The following OLA1 variants were observed in gnomAD, a reference collection of about 807,000 sequenced individuals.
The protein encoded by OLA1 is obg-like ATPase 1.
OLA1 carries 14 observed loss-of-function variants against 48.4 expected under a neutral mutation model. The ratio of observed to expected loss-of-function variants is 0.29; its 90% CI spans 0.19 to 0.45. The LOEUF is 0.45. Among genes scored for constraint, OLA1 ranks in the 20% least tolerant of loss-of-function variants. The pLI is 1.00. For synonymous variants in OLA1, 127 were observed against 150.4 expected, an observed-to-expected ratio of 0.84 and a Z score of 1.14; for missense variants, 325 against 467.1, an observed-to-expected ratio of 0.70 and a Z score of 2.80.
rs1023473957 is a variant in OLA1 at position 174,073,535 on chromosome 2, T to C, written c.*1891A>G. ...TAGAACTTCTAACCAAATTAAACAT[T>C]TTTAACATTTATTTTCAGCCCCTAA... On this transcript the variant is annotated 3_prime_UTR_variant, in exon 11 of 11. Transcript: ENST00000284719. 2 of 152,232 alleles carry C rather than the reference T, an allele frequency of 1.3e-5. No individual in the cohort carries two copies. The highest frequency in any genetic ancestry group is 4.8e-5 in the African/African-American group (2 of 41,448). 9.4% of individuals were successfully genotyped at this position (152,232 alleles called of 1,614,324 possible). A position where few individuals can be genotyped will look rare whatever the true frequency, so the allele number is the denominator to read the frequency against.
intron 4 of OLA1, among the ~76,000 whole-genome samples, chr2:174,188,928 A>G (rs963874322): frequency 6.6e-6 from 1 of 152,208 alleles, no homozygotes; most frequent in East Asian, 1.9e-4. Context: ...TCTGGCCCCA[A>G]GCACTTCAGA....
intron 7 of OLA1, among the ~76,000 whole-genome samples, chr2:174,092,042 A>G (rs6718555): frequency 0.54 from 80,900 of 149,102 alleles, 22,606 homozygotes; most frequent in East Asian, 0.95. Context: ...ACAGAGAATC[A>G]CTTGAACCTG....
intron 7 of OLA1, among the ~76,000 whole-genome samples, chr2:174,115,322 T>C (rs1320107771): frequency 6.6e-6 from 1 of 152,166 alleles, no homozygotes; most frequent in Non-Finnish European, 1.5e-5. Context: ...ATTGGTAGCA[T>C]GAATCAACAA....
intron 2 of OLA1, 41 bp downstream of exon 2, chr2:174,246,674 T>C (rs766451595): frequency 1.5e-6 from 2 of 1,333,000 alleles, no homozygotes; most frequent in South Asian, 2.4e-5. Flanking sequence ...ACCCAAAATA[T>C]TTACAAAATG....
chr2:174,246,610 T>C (rs530690563), intron 2 of OLA1, 105 bp downstream of exon 2: 1 of 749,734 alleles, frequency 1.3e-6, no homozygotes, highest in East Asian at 2.5e-5. Context: ...CTTCCTGGCC[T>C]CTTTTCTTCA....
chr2:174,163,724 A>AGC (rs1687075463), intron 4 of OLA1, among the ~76,000 whole-genome samples: 1 of 8,620 alleles, frequency 1.2e-4, no homozygotes, highest in Admixed American at 1.4e-3. Context: ...ATATATATAT[A>AGC]TATATATATA....
Position 174,163,716 on chromosome 2 carries a change from ATATATATATATAT to A in OLA1, c.374-21729_374-21717del, listed in dbSNP as rs1687072984. On this transcript the variant is annotated intron_variant, in intron 4 of 10. Coordinates refer to ENST00000284719, the MANE Select transcript of OLA1 (RefSeq NM_013341.5). The stretch of plus-strand genomic sequence containing the variant: ...AAAAATAAAATAAATAAATAAATAT[ATATATATATATAT>A]ATATATATATATATATATATATATA... 5.0e-3 allele frequency among the ~76,000 whole-genome samples: 89 copies of A among 17,974 alleles called. 3 individuals are homozygous for A. The highest frequency in any genetic ancestry group is 7.3e-3 in the Admixed American group (10 of 1,364). 11.8% of individuals were successfully genotyped at this position (17,974 alleles called of 152,430 possible). A position where few individuals can be genotyped will look rare whatever the true frequency, so the allele number is the denominator to read the frequency against.
At chr2:174,240,938 T>C (rs1310970614) in intron 2 of OLA1, among the ~76,000 whole-genome samples, 1 of 152,204 alleles carries the variant, frequency 6.6e-6, no homozygotes, top group Non-Finnish European at 1.5e-5. Context: ...ACATTTTTTG[T>C]CACTCCTCCC....
chr2:174,154,993 A>G (rs1558980211), intron 4 of OLA1, among the ~76,000 whole-genome samples: 1 of 152,106 alleles, frequency 6.6e-6, no homozygotes, highest in Non-Finnish European at 1.5e-5. Flanking sequence ...AAAACCTTAC[A>G]TATCTTTCAT....
chr2:174,133,627 G>A (rs142511456), intron 5 of OLA1, among the ~76,000 whole-genome samples: 2 of 152,336 alleles, frequency 1.3e-5, no homozygotes, highest in African/African-American at 4.8e-5. Context: ...TTACAGGCGT[G>A]AGCCACTGCA....
At chr2:174,146,497 G>A (rs914557059) in intron 4 of OLA1, among the ~76,000 whole-genome samples, 1 of 152,176 alleles carries the variant, frequency 6.6e-6, no homozygotes, top group East Asian at 1.9e-4. Context: ...GCTAGATGTA[G>A]GATGTAAGAT....
At chr2:174,187,590 G>A (rs928438687) in intron 4 of OLA1, among the ~76,000 whole-genome samples, 4 of 152,114 alleles carry the variant, frequency 2.6e-5, no homozygotes, top group African/African-American at 9.7e-5. Context: ...GCAAGATTTT[G>A]TTATTCCTTG....
chr2:174,159,988 C>A (rs1456533647), intron 4 of OLA1, among the ~76,000 whole-genome samples: 2 of 151,876 alleles, frequency 1.3e-5, no homozygotes, highest in African/African-American at 4.8e-5. Flanking sequence ...ATATATTAAC[C>A]AAACTAACAA....
chr2:174,230,137 G>A (rs756124812), intron 2 of OLA1, among the ~76,000 whole-genome samples: 10 of 151,818 alleles, frequency 6.6e-5, no homozygotes, highest in African/African-American at 1.2e-4. Context: ...GCCCACTCAC[G>A]TTAACATTTT....
At chr2:174,167,777 A>G (rs1408380802) in intron 4 of OLA1, among the ~76,000 whole-genome samples, 3 of 152,214 alleles carry the variant, frequency 2.0e-5, no homozygotes, top group Non-Finnish European at 2.9e-5. Context: ...TTCAAAACCC[A>G]CTGTCTTAGT....
intron 4 of OLA1, among the ~76,000 whole-genome samples, chr2:174,158,017 G>C (rs1267872802): frequency 6.6e-6 from 1 of 152,216 alleles, no homozygotes; most frequent in Non-Finnish European, 1.5e-5. Flanking sequence ...CTGTGTAAGG[G>C]AGGCCACTGC....
chr2:174,206,839 A>G (rs1200116892), intron 4 of OLA1, among the ~76,000 whole-genome samples: 1 of 152,164 alleles, frequency 6.6e-6, no homozygotes, highest in Non-Finnish European at 1.5e-5. Flanking sequence ...AAGAAAACAT[A>G]TGGTTTTTGG....
At chr2:174,171,361 TACGCATAGCCAAA>T (rs1687298090) in intron 4 of OLA1, among the ~76,000 whole-genome samples, 1 of 152,184 alleles carries the variant, frequency 6.6e-6, no homozygotes, top group African/African-American at 2.4e-5. Flanking sequence ...TGGCCCAGAC[TACGCATAGCCAAA>T]AGACAAGTTT....
chr2:174,149,117 A>C (rs1344657940), intron 4 of OLA1, among the ~76,000 whole-genome samples: 2 of 152,120 alleles, frequency 1.3e-5, no homozygotes, highest in East Asian at 3.9e-4. Flanking sequence ...TTTACAACTC[A>C]ACCCACTATA....
Sources: allele counts gnomAD v4.1 joint callset (sites outside exome capture counted in the v4.1 genomes callset), GRCh38; gene constraint gnomAD v4.1.1; transcripts MANE v1.5; gene names NCBI Gene and HGNC (gene_info 2026-07-23, HGNC 2026-07-21).